The following CDH12 variants were observed in gnomAD, a reference collection of about 807,000 sequenced individuals.
CDH12 encodes cadherin 12, also known as cadherin-12.
CDH12 carries 41 observed loss-of-function variants against 74.1 expected under a neutral mutation model. The ratio of observed to expected loss-of-function variants is 0.55; its 90% CI spans 0.43 to 0.72. The LOEUF (loss-of-function observed/expected upper bound fraction) is 0.72, where lower values mean the gene tolerates loss of function less well. Ranked by LOEUF, CDH12 falls within the 30% of genes least tolerant of loss-of-function variation. CDH12 has a pLI of 0.00. For missense variants in CDH12, 945 were observed against 977.2 expected (o/e 0.97, Z 0.44); for synonymous variants, 399 against 355.0 (o/e 1.12, Z -1.39).
At chr5:22,503,480 T>C (rs1235554205) in intron 2 of CDH12, among the ~76,000 whole-genome samples, 4 of 152,068 alleles carry the variant, frequency 2.6e-5, no homozygotes, top group African/African-American at 7.2e-5. Context: ...TATTTTGTTA[T>C]AGCATTCCAC....
chr5:22,041,468 TA>T (rs1490528301), intron 5 of CDH12, among the ~76,000 whole-genome samples: 2 of 152,154 alleles, frequency 1.3e-5, no homozygotes, highest in East Asian at 3.9e-4. Flanking sequence ...AGGCAGAAAG[TA>T]AAGGAATGGA....
chr5:22,805,563 C>T, intron 1 of CDH12, among the ~76,000 whole-genome samples: 1 of 152,010 alleles, frequency 6.6e-6, no homozygotes, highest in East Asian at 1.9e-4. Context: ...ATGTATATTA[C>T]ATATTATTAT....
intron 6 of CDH12, chr5:21,882,707 C>T: frequency 6.8e-7 from 1 of 1,468,816 alleles, no homozygotes. Flanking sequence ...AGCCTTAATG[C>T]TTCAAGGTGT....
intron 1 of CDH12, chr5:22,580,549 C>T: frequency 2.1e-6 from 1 of 473,786 alleles, no homozygotes; most frequent in Non-Finnish European, 4.3e-6. Flanking sequence ...CAGAGATGCT[C>T]ATCAGGGCTG....
At chr5:21,869,410 T>C (rs1751500426) in intron 6 of CDH12, among the ~76,000 whole-genome samples, 1 of 152,300 alleles carries the variant, frequency 6.6e-6, no homozygotes, top group South Asian at 2.1e-4. Flanking sequence ...AAGATGTTAA[T>C]AAATGCCAGC....
At chr5:21,893,767 G>T (rs1228604839) in intron 6 of CDH12, among the ~76,000 whole-genome samples, 1 of 152,070 alleles carries the variant, frequency 6.6e-6, no homozygotes, top group Non-Finnish European at 1.5e-5. Flanking sequence ...CTCTACTTCT[G>T]GTTTTGAAGC....
At chr5:22,548,240 T>G (rs1738414100) in intron 1 of CDH12, among the ~76,000 whole-genome samples, 1 of 152,178 alleles carries the variant, frequency 6.6e-6, no homozygotes, top group African/African-American at 2.4e-5. Flanking sequence ...TTAACATAGC[T>G]GACAAAGCTT....
chr5:22,716,893 G>T, intron 1 of CDH12, among the ~76,000 whole-genome samples: 1 of 151,734 alleles, frequency 6.6e-6, no homozygotes, highest in East Asian at 1.9e-4. Flanking sequence ...ATAAAGAAAG[G>T]AATAAAATAT....
intron 2 of CDH12, among the ~76,000 whole-genome samples, chr5:22,407,445 G>A (rs763852783): frequency 4.6e-5 from 7 of 151,878 alleles, no homozygotes; most frequent in South Asian, 4.2e-4. Flanking sequence ...ATACCATTAC[G>A]ATATCCTGTT....
intron 7 of CDH12, among the ~76,000 whole-genome samples, chr5:21,845,816 C>A (rs1480891457): frequency 1.3e-5 from 2 of 151,946 alleles, no homozygotes; most frequent in African/African-American, 2.4e-5. Flanking sequence ...ATTACTTAGG[C>A]AGATAGTAAG....
intron 1 of CDH12, among the ~76,000 whole-genome samples, chr5:22,536,921 A>G (rs1737875490): frequency 1.3e-5 from 2 of 152,152 alleles, no homozygotes; most frequent in African/African-American, 4.8e-5. Flanking sequence ...TGTGTGACCT[A>G]CAGAAATAAC....
At chr5:22,678,053 G>GGC (rs1554058356) in intron 1 of CDH12, among the ~76,000 whole-genome samples, 7 of 150,462 alleles carry the variant, frequency 4.7e-5, no homozygotes, top group East Asian at 2.0e-4. Context: ...ATGGGGGGGG[G>GGC]GGTTAGGATT....
At chr5:22,703,940 A>G (rs1742849473) in intron 1 of CDH12, among the ~76,000 whole-genome samples, 2 of 152,012 alleles carry the variant, frequency 1.3e-5, no homozygotes, top group South Asian at 4.1e-4. Context: ...GGTTAACATA[A>G]TAGACGTATT....
chr5:22,061,106 C>G (rs1741158988), intron 5 of CDH12, among the ~76,000 whole-genome samples: 2 of 152,164 alleles, frequency 1.3e-5, no homozygotes, highest in African/African-American at 4.8e-5. Context: ...TGCAACAGCA[C>G]TCTTTAATAA....
At chr5:22,711,868 T>A (rs1214694390) in intron 1 of CDH12, among the ~76,000 whole-genome samples, 1 of 152,112 alleles carries the variant, frequency 6.6e-6, no homozygotes, top group African/African-American at 2.4e-5. Flanking sequence ...CTTGAGGGCA[T>A]TCATTACAAA....
chr5:22,471,167 G>A (rs1337100912), intron 2 of CDH12, among the ~76,000 whole-genome samples: 1 of 152,082 alleles, frequency 6.6e-6, no homozygotes, highest in Non-Finnish European at 1.5e-5. Flanking sequence ...GAGAAAAATT[G>A]CACCTGTTCT....
chr5:22,143,980 T>A (rs1398935644), intron 4 of CDH12: 1 of 151,706 alleles, frequency 6.6e-6, no homozygotes, highest in African/African-American at 2.4e-5. Flanking sequence ...TCAAGGAGAG[T>A]GCAGTCAACC....
At chr5:21,968,428 C>T (rs1183130467) in intron 6 of CDH12, among the ~76,000 whole-genome samples, 1 of 152,180 alleles carries the variant, frequency 6.6e-6, no homozygotes. Flanking sequence ...GATATGCACT[C>T]TTAACAAGTT....
intron 3 of CDH12, among the ~76,000 whole-genome samples, chr5:22,382,203 T>G (rs1423955750): frequency 1.4e-5 from 2 of 146,012 alleles, no homozygotes; most frequent in African/African-American, 4.9e-5. Context: ...TTATTAGATA[T>G]TTATATATTT....
Sources: gnomAD v4.1 joint callset for allele counts (sites outside exome capture counted in the v4.1 genomes callset) on GRCh38, gnomAD v4.1.1 for gene constraint, MANE v1.5 for transcripts, NCBI Gene and HGNC (gene_info 2026-07-23, HGNC 2026-07-21) for gene names.